The following OTOGL variants were observed in gnomAD, a reference collection of about 807,000 sequenced individuals.
OTOGL encodes otogelin like.
In OTOGL, 285 loss-of-function variants were observed where a neutral mutation model predicts 318.5. The observed-to-expected ratio is 0.89, with a 90% CI of 0.81 to 0.99. The LOEUF is 0.99. Ranked by LOEUF, OTOGL falls within the 50% of genes least tolerant of loss-of-function variation. OTOGL has a pLI of 0.00. For synonymous variants in OTOGL, 987 were observed against 936.5 expected, an observed-to-expected ratio of 1.05 and a Z score of -0.99; for missense variants, 2,899 against 2,845.6, an observed-to-expected ratio of 1.02 and a Z score of -0.43.
rs1041250287 is a variant in OTOGL, at chr12:80,339,003, G to T, written c.4861-72G>T. ...TAGTTTACATTAAATCAGAATAAAG[G>T]AATAATCTGTATTCTCCTAATTTGT... On this transcript the variant is annotated intron_variant, in intron 42 of 58. Coordinates refer to ENST00000547103, the MANE Select transcript of OTOGL (RefSeq NM_001378609.3). The T allele has an allele frequency of 2.7e-5, 32 of 1,201,390 alleles. No homozygotes were observed. The African/African-American group carries it at 4.7e-4, about 18-fold the overall frequency. The allele number at this position is 1,201,390 out of a possible 1,614,324, so 74.4% of individuals were successfully genotyped here.
chr12:80,117,059 A>C (rs888643488), intron 1 of OTOGL, among the ~76,000 whole-genome samples: 1 of 152,140 alleles, frequency 6.6e-6, no homozygotes, highest in Non-Finnish European at 1.5e-5. Context: ...GGGAAAGCCT[A>C]CTGGAGCCCA....
chr12:80,111,460 G>C (rs1869832742), intron 1 of OTOGL, among the ~76,000 whole-genome samples: 1 of 152,068 alleles, frequency 6.6e-6, no homozygotes, highest in Non-Finnish European at 1.5e-5. Context: ...TCAGTTTTCT[G>C]CATATGGCTG....
In OTOGL at chr12:80,181,682, C is replaced by T. The variant is rs570095298; in HGVS notation, c.-19-27731C>T. Among the ~76,000 whole-genome samples, 606 of 151,702 alleles carry T rather than the reference C, an allele frequency of 4.0e-3. 1 individual carries two copies. Among genetic ancestry groups the T allele is most frequent in the Non-Finnish European group, 6.6e-3 (447 of 67,982 alleles). ...GGCAACAGCATCAGCAAAGGCATTT[C>T]GTAGGGTCCTAGTGAGCCTATCTGC... On this transcript the variant is annotated intron_variant, in intron 1 of 58. Transcript: ENST00000547103.
chr12:80,217,325 G>A (rs772315043), intron 4 of OTOGL, among the ~76,000 whole-genome samples: 48 of 152,122 alleles, frequency 3.2e-4, no homozygotes, highest in Non-Finnish European at 6.0e-4. Context: ...AGGATGGGAA[G>A]TGAGAACAGA....
chr12:80,137,868 CGTT>C (rs1555270532), intron 1 of OTOGL, among the ~76,000 whole-genome samples: 3 of 152,034 alleles, frequency 2.0e-5, no homozygotes, highest in Non-Finnish European at 4.4e-5. Flanking sequence ...ACCTGGTTCA[CGTT>C]GATAAAAATG....
intron 1 of OTOGL, among the ~76,000 whole-genome samples, chr12:80,117,024 C>G (rs1870206916): frequency 1.3e-5 from 2 of 152,172 alleles, no homozygotes; most frequent in African/African-American, 4.8e-5. Context: ...GCAAGGTGAT[C>G]CATTGGCATG....
At chr12:80,174,626 A>G (rs1251912249) in intron 1 of OTOGL, among the ~76,000 whole-genome samples, 1 of 152,168 alleles carries the variant, frequency 6.6e-6, no homozygotes, top group African/African-American at 2.4e-5. Flanking sequence ...GTGAGAACAT[A>G]TTGGCTAAAG....
At chr12:80,276,586 G>A (rs562206878) in intron 24 of OTOGL, among the ~76,000 whole-genome samples, 1 of 151,780 alleles carries the variant, frequency 6.6e-6, no homozygotes, top group Admixed American at 6.6e-5. Flanking sequence ...TGAGTTGTAA[G>A]TGATAAGTTT....
intron 18 of OTOGL, among the ~76,000 whole-genome samples, chr12:80,258,476 A>G (rs553488541): frequency 1.3e-5 from 2 of 152,272 alleles, no homozygotes; most frequent in South Asian, 2.1e-4. Context: ...CTAAAAAGCA[A>G]CATTTTATTA....
intron 1 of OTOGL, among the ~76,000 whole-genome samples, chr12:80,121,590 C>A (rs563858858): frequency 6.6e-6 from 1 of 152,256 alleles, no homozygotes; most frequent in Non-Finnish European, 1.5e-5. Flanking sequence ...AAATAAAAAA[C>A]CAAACCATAA....
At chr12:80,174,259 G>T (rs949909946) in intron 1 of OTOGL, among the ~76,000 whole-genome samples, 1 of 151,912 alleles carries the variant, frequency 6.6e-6, no homozygotes, top group African/African-American at 2.4e-5. Context: ...GAATAAGCAG[G>T]GTTAGTCTAA....
chr12:80,251,754 G>GT lies in OTOGL; in HGVS notation c.1114_1115insT (p.Ala372ValfsTer11). The GT allele has an allele frequency of 1.3e-6, 2 of 1,592,898 alleles. No individual in the cohort carries two copies. The highest frequency in any genetic ancestry group is 1.7e-6 in the Non-Finnish European group (2 of 1,168,764). On this transcript the variant is annotated frameshift_variant, in exon 12 of 59. Transcript: ENST00000547103. LOFTEE classifies it high-confidence loss of function. ...TGAGTATGCTAGAGCCTGCTCTCAT[G>GT]CTGGCTACCCTATTCAAGACTGGAG...
At chr12:80,119,306 T>C (rs377652785) in intron 1 of OTOGL, among the ~76,000 whole-genome samples, 1 of 152,220 alleles carries the variant, frequency 6.6e-6, no homozygotes, top group East Asian at 1.9e-4. Context: ...TCTTACTCTG[T>C]AAGCAGTCAG....
chr12:80,158,189 C>T (rs1873254729), intron 1 of OTOGL, among the ~76,000 whole-genome samples: 1 of 151,956 alleles, frequency 6.6e-6, no homozygotes, highest in African/African-American at 2.4e-5. Flanking sequence ...TTGTGGCAAA[C>T]TTGTTTGATT....
intron 1 of OTOGL, among the ~76,000 whole-genome samples, chr12:80,129,329 G>A (rs1871090571): frequency 6.6e-6 from 1 of 152,188 alleles, no homozygotes; most frequent in Non-Finnish European, 1.5e-5. Context: ...GTAGAAAGGT[G>A]TGAATAAGAC....
rs11343611 is a variant in OTOGL, at chr12:80,355,224, C to CTTTTTTTTTTT, written c.5594-508_5594-507insTTTTTTTTTTT. 2.4e-4 allele frequency among the ~76,000 whole-genome samples: 16 copies of CTTTTTTTTTTT among 65,596 alleles called. 2 individuals carry two copies. Among genetic ancestry groups the CTTTTTTTTTTT allele is most frequent in the South Asian group, 5.6e-4 (1 of 1,790 alleles). 43.0% of individuals were successfully genotyped at this position (65,596 alleles called of 152,430 possible). A position where few individuals can be genotyped will look rare whatever the true frequency, so the allele number is the denominator to read the frequency against. ...ACTTTTTTCTTTTCTTTCTTTCTTT[C>CTTTTTTTTTTT]TTTTCTTTTTTTTTTTTTTTTTTTG... On this transcript the variant is annotated intron_variant, in intron 46 of 58. Transcript: ENST00000547103.
chr12:80,308,503 G>A (rs7136374), intron 29 of OTOGL, among the ~76,000 whole-genome samples: 50,124 of 150,092 alleles, frequency 0.33, 8,906 homozygotes, highest in African/African-American at 0.45. Flanking sequence ...AGGCAGAGGG[G>A]CTCCTCACAT....
intron 7 of OTOGL, among the ~76,000 whole-genome samples, chr12:80,228,722 C>CT (rs913180892): frequency 2.0e-5 from 3 of 150,708 alleles, no homozygotes; most frequent in Admixed American, 6.6e-5. Flanking sequence ...TCCTTTCATT[C>CT]TTTTTTTTTA....
rs1555301044 is a variant in OTOGL at position 80,343,526 on chromosome 12, T to TTTTTTTTTTTTTTTTTC, written c.5265+1374_5265+1375insTTTTTTCTTTTTTTTTT. On this transcript the variant is annotated intron_variant, in intron 44 of 58. Transcript: ENST00000547103. Reference sequence around the variant, plus strand: ...TTATTCTTGTTTTTTTTTTTTTTTTTTTTTTTTTTTAACTTTCTTTTCCTG... The same window carrying TTTTTTTTTTTTTTTTTC: ...TTATTCTTGTTTTTTTTTTTTTTTTTTTTTTTTTTTTTTTTTCTTTTTTTTTTAACTTTCTTTTCCTG... The TTTTTTTTTTTTTTTTTC allele has an allele frequency of 1.5e-4, 18 of 118,172 alleles. 1 individual carries two copies. Among genetic ancestry groups the TTTTTTTTTTTTTTTTTC allele is most frequent in the East Asian group, 4.5e-4 (2 of 4,482 alleles). 7.3% of individuals were successfully genotyped at this position (118,172 alleles called of 1,614,324 possible).
Sources: allele counts gnomAD v4.1 joint callset (sites outside exome capture counted in the v4.1 genomes callset), GRCh38; gene constraint gnomAD v4.1.1; transcripts MANE v1.5; gene names NCBI Gene and HGNC (gene_info 2026-07-23, HGNC 2026-07-21).